The following ANKRD44 variants were observed in gnomAD, a reference collection of about 807,000 sequenced individuals.
ANKRD44 encodes the protein ankyrin repeat domain 44.
ANKRD44 carries 35 observed loss-of-function variants against 116.0 expected under a neutral mutation model. The observed-to-expected ratio is 0.30, with a 90% CI of 0.23 to 0.40. The LOEUF is 0.40. Among genes scored for constraint, ANKRD44 ranks in the 10% least tolerant of loss-of-function variants. The pLI, the probability that ANKRD44 is intolerant of heterozygous loss-of-function variation, is 1.00. For missense variants in ANKRD44, 1,014 were observed against 1,242.6 expected, an observed-to-expected ratio of 0.82 and a Z score of 2.77; for synonymous variants, 435 against 461.8, an observed-to-expected ratio of 0.94 and a Z score of 0.74.
In ANKRD44 at chr2:197,181,079, C is replaced by T. The variant is rs2080492680; in HGVS notation, c.111+5944G>A. Among the ~76,000 whole-genome samples, 3 of 152,266 alleles carry T rather than the reference C, an allele frequency of 2.0e-5. No homozygotes were observed. The South Asian group carries it at 6.2e-4, about 32-fold the overall frequency. On this transcript the variant is annotated intron_variant, in intron 2 of 27. Coordinates refer to ENST00000282272, the MANE Select transcript of ANKRD44 (RefSeq NM_001195144.2). ...TTGTTTACTATACATTCCTTAGCAA[C>T]ATAAGCTTAGCTTGCACCTCCAGAT...
intron 16 of ANKRD44, among the ~76,000 whole-genome samples, chr2:197,074,689 G>A (rs1431588557): frequency 6.6e-6 from 1 of 152,044 alleles, no homozygotes; most frequent in Non-Finnish European, 1.5e-5. Context: ...ATGTTGCCCA[G>A]GTTGGTCTTG....
intron 7 of ANKRD44, among the ~76,000 whole-genome samples, chr2:197,122,242 G>A (rs1458817070): frequency 6.6e-6 from 1 of 152,144 alleles, no homozygotes; most frequent in African/African-American, 2.4e-5. Context: ...GAAAGAGAAG[G>A]CAGCAGTCTG....
At chr2:197,064,579 C>T (rs1312751845) in intron 16 of ANKRD44, among the ~76,000 whole-genome samples, 2 of 151,984 alleles carry the variant, frequency 1.3e-5, no homozygotes, top group Admixed American at 6.6e-5. Context: ...GAGACACACA[C>T]AGGCTCAAAA....
In ANKRD44 at chr2:197,303,206, TA is replaced by T. The variant is rs2083965519; in HGVS notation, c.27+7371del. Among the ~76,000 whole-genome samples, 3 of 152,348 alleles carry T rather than the reference TA, an allele frequency of 2.0e-5. No homozygotes were observed. In the South Asian group the frequency reaches 6.2e-4, roughly 32 times the overall value. On this transcript the variant is annotated intron_variant, in intron 1 of 27. Coordinates refer to ENST00000282272, the MANE Select transcript of ANKRD44 (RefSeq NM_001195144.2). Reference sequence around the variant, plus strand: ...CACTTGGGAGAAAATCAGAAGTTCATAAAAGGCAGATACTTTTTGAACTGAG... The same window carrying T: ...CACTTGGGAGAAAATCAGAAGTTCATAAAGGCAGATACTTTTTGAACTGAG...
chr2:197,048,100 A>C (rs1269504125), intron 16 of ANKRD44, among the ~76,000 whole-genome samples: 2 of 152,162 alleles, frequency 1.3e-5, no homozygotes, highest in Non-Finnish European at 1.5e-5. Flanking sequence ...TAACTATATG[A>C]ATAAATATTT....
chr2:197,125,099 C>T (rs2078945350), intron 6 of ANKRD44, among the ~76,000 whole-genome samples: 1 of 152,246 alleles, frequency 6.6e-6, no homozygotes, highest in Non-Finnish European at 1.5e-5. Flanking sequence ...TTAAAATAAG[C>T]ACAATCTGTG....
chr2:196,979,382 CAAAAAA>C (rs778459937), intron 21 of ANKRD44, among the ~76,000 whole-genome samples: 5 of 40,572 alleles, frequency 1.2e-4, no homozygotes, highest in African/African-American at 3.3e-4. Context: ...GACTCCGTCT[CAAAAAA>C]AAAAAAAAAA....
At chr2:196,973,389 A>T (rs939012504) in intron 21 of ANKRD44, among the ~76,000 whole-genome samples, 3 of 152,038 alleles carry the variant, frequency 2.0e-5, no homozygotes, top group Non-Finnish European at 4.4e-5. Flanking sequence ...CTATCATTTG[A>T]CTTTAACTTT....
chr2:197,014,662 T>A (rs769949715), intron 17 of ANKRD44, among the ~76,000 whole-genome samples: 18 of 151,820 alleles, frequency 1.2e-4, no homozygotes, highest in Non-Finnish European at 2.4e-4. Context: ...TGGCGGTGCC[T>A]GTAATCCCAG....
At chr2:197,299,317 G>T (rs1390741296) in intron 1 of ANKRD44, among the ~76,000 whole-genome samples, 1 of 151,900 alleles carries the variant, frequency 6.6e-6, no homozygotes, top group Admixed American at 6.6e-5. Flanking sequence ...CTCTAGATCC[G>T]GCAATCCCAC....
chr2:197,131,618 G>C (rs761370579), intron 4 of ANKRD44, among the ~76,000 whole-genome samples: 2 of 151,090 alleles, frequency 1.3e-5, no homozygotes, highest in Non-Finnish European at 2.9e-5. Context: ...CTCTAGAATG[G>C]AGAAGTGAAA....
intron 1 of ANKRD44, among the ~76,000 whole-genome samples, chr2:197,272,350 G>A (rs1669791841): frequency 6.6e-6 from 1 of 152,104 alleles, no homozygotes; most frequent in African/African-American, 2.4e-5. Flanking sequence ...GCAATTTCCT[G>A]CCTCAGCCTC....
intron 1 of ANKRD44, among the ~76,000 whole-genome samples, chr2:197,244,614 T>C (rs2082152584): frequency 6.6e-6 from 1 of 152,170 alleles, no homozygotes; most frequent in African/African-American, 2.4e-5. Context: ...GCAGGGGAGA[T>C]AGAAAAATGG....
intron 8 of ANKRD44, among the ~76,000 whole-genome samples, chr2:197,112,164 A>C (rs1020165567): frequency 1.3e-5 from 2 of 152,344 alleles, no homozygotes; most frequent in Middle Eastern, 6.8e-3. Context: ...TTTTCATCCA[A>C]GTATTGTTAT....
At chr2:197,175,270 A>G (rs183734278) in intron 2 of ANKRD44, among the ~76,000 whole-genome samples, 2 of 152,152 alleles carry the variant, frequency 1.3e-5, no homozygotes, top group Non-Finnish European at 1.5e-5. Context: ...CCCAACCATT[A>G]GGTTATGCAT....
chr2:197,153,568 A>C (rs1574562660), intron 2 of ANKRD44, among the ~76,000 whole-genome samples: 1 of 152,190 alleles, frequency 6.6e-6, no homozygotes, highest in African/African-American at 2.4e-5. Context: ...TTAAAGAAGA[A>C]AGGAAAGAGA....
chr2:197,051,988 G>A (rs561314257), intron 16 of ANKRD44, among the ~76,000 whole-genome samples: 25 of 152,222 alleles, frequency 1.6e-4, no homozygotes, highest in Middle Eastern at 3.4e-3. Context: ...AATTATTCCC[G>A]TTTAAACTTC....
At chr2:196,968,806 T>C (rs2376100) in intron 21 of ANKRD44, among the ~76,000 whole-genome samples, 24,903 of 152,166 alleles carry the variant, frequency 0.16, 2,074 homozygotes, top group Middle Eastern at 0.2. Flanking sequence ...CACAATTGCA[T>C]CACTTTTACT....
intron 2 of ANKRD44, among the ~76,000 whole-genome samples, chr2:197,183,893 A>C (rs2080580369): frequency 6.6e-6 from 1 of 152,172 alleles, no homozygotes; most frequent in African/African-American, 2.4e-5. Context: ...ATTCCTATAT[A>C]TCTCTCAAGC....
Sources: gnomAD v4.1 joint callset for allele counts (sites outside exome capture counted in the v4.1 genomes callset) on GRCh38, gnomAD v4.1.1 for gene constraint, MANE v1.5 for transcripts, NCBI Gene and HGNC (gene_info 2026-07-23, HGNC 2026-07-21) for gene names.